The following MAPK14 variants were observed in gnomAD, a reference collection of about 807,000 sequenced individuals.
MAPK14 encodes the protein CSAID-binding protein.
MAPK14 carries 16 observed loss-of-function variants against 49.6 expected under a neutral mutation model. That is an observed-to-expected ratio of 0.32 (90% CI 0.22 to 0.49). The LOEUF is 0.49. Among genes scored for constraint, MAPK14 ranks in the 20% least tolerant of loss-of-function variants. The pLI is 0.99. For synonymous variants in MAPK14, 142 were observed against 158.0 expected (o/e 0.90, Z 0.76); for missense variants, 200 against 441.2 (o/e 0.45, Z 4.90).
chr6:36,055,231 C>T (rs1763548866), intron 2 of MAPK14, among the ~76,000 whole-genome samples: 1 of 152,084 alleles, frequency 6.6e-6, no homozygotes, highest in Non-Finnish European at 1.5e-5. Context: ...CAGAGATGGC[C>T]CATATATGGG....
intron 6 of MAPK14, 63 bp from the exon 7 acceptor site, chr6:36,075,783 TTG>T: frequency 6.2e-7 from 1 of 1,608,202 alleles, no homozygotes; most frequent in Non-Finnish European, 8.5e-7. Flanking sequence ...TGTTGTTGTT[TTG>T]TTTTTTTTTC....
At chr6:36,085,425 C>T (rs1182118529) in intron 8 of MAPK14, among the ~76,000 whole-genome samples, 1 of 152,034 alleles carries the variant, frequency 6.6e-6, no homozygotes, top group Non-Finnish European at 1.5e-5. Flanking sequence ...TTCAAGAGAC[C>T]CATCTAACAT....
At chr6:36,080,584 C>G (rs1764716086) in intron 8 of MAPK14, among the ~76,000 whole-genome samples, 2 of 152,086 alleles carry the variant, frequency 1.3e-5, no homozygotes, top group Admixed American at 1.3e-4. Flanking sequence ...ATTTTGTTGA[C>G]CTGTTCATCT....
At chr6:36,041,260 A>G (rs1000069643) in intron 1 of MAPK14, among the ~76,000 whole-genome samples, 2 of 149,024 alleles carry the variant, frequency 1.3e-5, no homozygotes, top group East Asian at 2.0e-4. Context: ...GTACTCTGCT[A>G]TTCAGATTTT....
chr6:36,052,861 G>A lies in MAPK14; in HGVS notation c.246+33G>A, dbSNP rs200498802. 5 of 1,576,590 alleles carry A rather than the reference G, an allele frequency of 3.2e-6. No homozygotes were observed. The East Asian group carries it at 9.1e-5, about 29-fold the overall frequency. ...ATTCATTCAAGGAAGAATACATTTT[G>A]ATCTTGAATAGACTGGGGAAAAATG... is the stretch of plus-strand genomic sequence containing the variant. On this transcript the variant is annotated intron_variant, in intron 2 of 11. Coordinates refer to ENST00000229794, the MANE Select transcript of MAPK14 (RefSeq NM_139012.3).
chr6:36,092,462 C>T (rs1253874150), intron 8 of MAPK14: 16 of 645,570 alleles, frequency 2.5e-5, no homozygotes, highest in South Asian at 5.6e-5. Context: ...CAGGGATGAC[C>T]GCTACATCAT....
At chr6:36,114,014 C>G (rs900435791), downstream of MAPK14, among the ~76,000 whole-genome samples, 1 of 152,176 alleles carries the variant, frequency 6.6e-6, no homozygotes, top group South Asian at 2.1e-4. Flanking sequence ...CAGGATTTTT[C>G]AATTTTGGCA....
In MAPK14 at chr6:36,106,548, GATA is replaced by G. The variant is rs200259478; in HGVS notation, c.842-902_842-900del. Among the ~76,000 whole-genome samples, 278 of 152,270 alleles carry G rather than the reference GATA, an allele frequency of 1.8e-3. 4 individuals are homozygous for G. In the South Asian group the frequency reaches 0.038, roughly 21 times the overall value. On this transcript the variant is annotated intron_variant, in intron 10 of 11. Transcript: ENST00000229794. ...TGATATTTAGAAATTATTTGTCAGA[GATA>G]ATAACAGTATTATGATTATATAGGA... is the stretch of plus-strand genomic sequence containing the variant.
At chr6:36,120,524 G>A in the MAPK14 span, among the ~76,000 whole-genome samples, 4 of 149,156 alleles carry the variant, frequency 2.7e-5, no homozygotes, top group Non-Finnish European at 5.9e-5. Context: ...CACCACCACC[G>A]CCACCCCCCA....
At chr6:36,041,740 C>T (rs143319712) in intron 1 of MAPK14, among the ~76,000 whole-genome samples, 129 of 152,268 alleles carry the variant, frequency 8.5e-4, no homozygotes, top group African/African-American at 2.9e-3. Flanking sequence ...ATTAATGCAA[C>T]ATAATTTTGA....
chr6:36,076,572 C>A lies in MAPK14; in HGVS notation c.646C>A (p.Leu216Met). Residue 216 changes from leucine to methionine, a missense_variant, in exon 8 of 12, where the codon CTG becomes ATG. Leu to Met is a conservative substitution (Grantham distance 15, BLOSUM62 2). Around this residue, in one of 2 missense-constraint regions of MAPK14, gnomAD observed 170 missense variants for 407.0 expected, o/e 0.42. Transcript: ENST00000229794. ...GTCAGTGGGATGCATAATGGCCGAG[C>A]TGTTGACTGGAAGAACATTGTTTCC... ...IWSVGCIMAE[L>M]LTGRTLFPGT... 1 of 1,613,960 alleles carries A rather than the reference C, an allele frequency of 6.2e-7. No individual in the cohort carries two copies. The highest frequency in any genetic ancestry group is 8.5e-7 in the Non-Finnish European group (1 of 1,179,870).
At chr6:36,085,519 A>G (rs916110247) in intron 8 of MAPK14, among the ~76,000 whole-genome samples, 3 of 152,234 alleles carry the variant, frequency 2.0e-5, no homozygotes, top group African/African-American at 7.2e-5. Flanking sequence ...AGGGGTTGCA[A>G]TCCTATTTTC....
intron 3 of MAPK14, among the ~76,000 whole-genome samples, chr6:36,064,062 C>A (rs1191771741): frequency 1.2e-5 from 1 of 80,316 alleles, no homozygotes; most frequent in Non-Finnish European, 2.4e-5. Context: ...ATTGCCTTTT[C>A]TTTGTGTGTG....
At chr6:36,045,579 T>C (rs1242282276) in intron 1 of MAPK14, among the ~76,000 whole-genome samples, 2 of 147,588 alleles carry the variant, frequency 1.4e-5, no homozygotes, top group East Asian at 4.0e-4. Context: ...GAGGCTGAGG[T>C]GGGCGGATCA....
At chr6:36,043,804 C>CT (rs796534477) in intron 1 of MAPK14, among the ~76,000 whole-genome samples, 2,803 of 90,316 alleles carry the variant, frequency 0.031, 70 homozygotes, top group African/African-American at 0.047. Flanking sequence ...CTTTTTCTTT[C>CT]TTTTTTTTTT....
chr6:36,049,318 C>T (rs1464180799), intron 1 of MAPK14, among the ~76,000 whole-genome samples: 1 of 152,082 alleles, frequency 6.6e-6, no homozygotes, highest in Non-Finnish European at 1.5e-5. Context: ...CTTTCCTTTT[C>T]CTTTCTTTTC....
At chr6:36,074,801 A>G (rs925120735) in intron 6 of MAPK14, among the ~76,000 whole-genome samples, 3 of 151,798 alleles carry the variant, frequency 2.0e-5, no homozygotes, top group Non-Finnish European at 4.4e-5. Flanking sequence ...TTTTTAGTAG[A>G]GATGGGATTT....
At chr6:36,041,048 A>G (rs925480974) in intron 1 of MAPK14, among the ~76,000 whole-genome samples, 1 of 152,174 alleles carries the variant, frequency 6.6e-6, no homozygotes, top group African/African-American at 2.4e-5. Flanking sequence ...ACTCAGGAAG[A>G]TCAGCCTTCT....
chr6:36,036,165 A>G (rs1167308288), intron 1 of MAPK14, among the ~76,000 whole-genome samples: 2 of 150,044 alleles, frequency 1.3e-5, no homozygotes, highest in African/African-American at 2.4e-5. Flanking sequence ...GAACCTGGGA[A>G]GTGGAGGTTG....
Sources: allele counts gnomAD v4.1 joint callset (sites outside exome capture counted in the v4.1 genomes callset), GRCh38; gene constraint gnomAD v4.1.1; regional missense constraint gnomAD v4.1.1; transcripts MANE v1.5; gene names NCBI Gene and HGNC (gene_info 2026-07-23, HGNC 2026-07-21).